Variants in RNF11 observed in about 807,000 individuals in gnomAD.
RNF11 encodes the protein ring finger protein 11.
RNF11 carries 4 observed loss-of-function variants against 15.8 expected under a neutral mutation model. The ratio of observed to expected loss-of-function variants is 0.25; its 90% CI spans 0.12 to 0.58. RNF11 has a LOEUF of 0.58. Ranked by LOEUF, RNF11 falls within the 20% of genes least tolerant of loss-of-function variation. The pLI, the probability that RNF11 is intolerant of heterozygous loss-of-function variation, is 0.91. For missense variants in RNF11, 139 were observed against 194.4 expected, an observed-to-expected ratio of 0.71 and a Z score of 1.70; for synonymous variants, 68 against 72.3, an observed-to-expected ratio of 0.94 and a Z score of 0.30.
chr1:51,249,237 C>G (rs1320997541), intron 1 of RNF11, among the ~76,000 whole-genome samples: 6 of 152,148 alleles, frequency 3.9e-5, no homozygotes, highest in Admixed American at 2.6e-4. Flanking sequence ...GTATCTTTAA[C>G]AGAATATCTT....
chr1:51,236,461 C>T lies in RNF11; in HGVS notation c.-296C>T. Reference sequence around the variant, plus strand: ...AGCAGCTCCGTGGCCGCCGCCGCCCCGCGGGGGGGCGGGGTGGGGAAGTGC... The same window carrying T: ...AGCAGCTCCGTGGCCGCCGCCGCCCTGCGGGGGGGCGGGGTGGGGAAGTGC... On this transcript the variant is annotated 5_prime_UTR_variant, in exon 1 of 3. Coordinates refer to ENST00000242719, the MANE Select transcript of RNF11 (RefSeq NM_014372.5). 4.6e-6 allele frequency: 1 copy of T among 218,032 alleles called. No individual in the cohort carries two copies. Among genetic ancestry groups the T allele is most frequent in the Non-Finnish European group, 9.0e-6 (1 of 110,626 alleles). The allele number at this position is 218,032 out of a possible 1,614,324, so 13.5% of individuals were successfully genotyped here. A position where few individuals can be genotyped will look rare whatever the true frequency, so the allele number is the denominator to read the frequency against.
rs1297975170 is a variant in RNF11 at position 51,273,007 on chromosome 1, T to C, written c.*1685T>C. ...GAATTTGAGAAAAATTGAAAGAAAT[T>C]AGATTATCAGGTTCTGTTAAATTGT... is the stretch of plus-strand genomic sequence containing the variant. On this transcript the variant is annotated 3_prime_UTR_variant, in exon 3 of 3. Transcript: ENST00000242719. The C allele has an allele frequency of 6.6e-6, 1 of 152,156 alleles. No homozygotes were observed. The highest frequency in any genetic ancestry group is 2.4e-5 in the African/African-American group (1 of 41,460). 9.4% of individuals were successfully genotyped at this position (152,156 alleles called of 1,614,324 possible). A position where few individuals can be genotyped will look rare whatever the true frequency, so the allele number is the denominator to read the frequency against.
chr1:51,241,745 T>A (rs1205821771), intron 1 of RNF11, among the ~76,000 whole-genome samples: 1 of 152,180 alleles, frequency 6.6e-6, no homozygotes, highest in African/African-American at 2.4e-5. Context: ...AGAGGAAATC[T>A]GCCCAGCGAA....
At chr1:51,260,660 T>C (rs1167301280) in intron 1 of RNF11, among the ~76,000 whole-genome samples, 1 of 152,210 alleles carries the variant, frequency 6.6e-6, no homozygotes, top group Non-Finnish European at 1.5e-5. Flanking sequence ...GCTTTTGGAT[T>C]CTTGCACCTA....
chr1:51,264,313 TATATACAC>T (rs1319101919), intron 1 of RNF11, among the ~76,000 whole-genome samples: 31 of 101,746 alleles, frequency 3.0e-4, no homozygotes, highest in African/African-American at 1.2e-3. Flanking sequence ...TATATATATA[TATATACAC>T]ACACACACAC....
rs539532210 is a variant in RNF11, at chr1:51,236,919, G to T, written c.123+40G>T. On this transcript the variant is annotated intron_variant, in intron 1 of 2. Coordinates refer to ENST00000242719, the MANE Select transcript of RNF11 (RefSeq NM_014372.5). ...GTGTTGGGGGGAGCGAGTAGAGGCA[G>T]CTCTGGCGGAGATTGAGGGGGCTTC... The T allele has an allele frequency of 9.5e-5, 150 of 1,577,102 alleles. No homozygotes were observed. The Admixed American group carries it at 1.1e-3, about 11-fold the overall frequency.
chr1:51,240,745 T>C (rs942604095), intron 1 of RNF11, among the ~76,000 whole-genome samples: 1 of 152,152 alleles, frequency 6.6e-6, no homozygotes, highest in Non-Finnish European at 1.5e-5. Flanking sequence ...GATCAGGTTT[T>C]TTTTTGTTTG....
chr1:51,249,487 C>T (rs539195681), intron 1 of RNF11, among the ~76,000 whole-genome samples: 64 of 152,242 alleles, frequency 4.2e-4, no homozygotes, highest in African/African-American at 1.5e-3. Flanking sequence ...CTCCCTCCTG[C>T]CCCCTCCAAC....
chr1:51,251,459 G>A (rs906755414), intron 1 of RNF11: 22 of 669,928 alleles, frequency 3.3e-5, no homozygotes, highest in Non-Finnish European at 5.6e-5. Context: ...CGCTGCACTG[G>A]TGTCATCCAC....
rs776636862 is a variant in RNF11 at position 51,256,676 on chromosome 1, G to A, written c.124-13280G>A. ...GCATACCATTTTTGTTGTTGTTGTT[G>A]TTGTTATTGTTTTTTGAGATGGAGT... On this transcript the variant is annotated intron_variant, in intron 1 of 2. Transcript: ENST00000242719. Among the ~76,000 whole-genome samples the A allele has an allele frequency of 2.9e-4, 44 of 151,940 alleles. 1 individual carries two copies. The highest frequency in any genetic ancestry group is 2.0e-4 in the Admixed American group (3 of 15,240).
At chr1:51,248,560 G>T (rs1372637225) in intron 1 of RNF11, among the ~76,000 whole-genome samples, 1 of 152,196 alleles carries the variant, frequency 6.6e-6, no homozygotes, top group Non-Finnish European at 1.5e-5. Flanking sequence ...AAGGAGAAAT[G>T]ATGAGTCTCT....
chr1:51,238,828 C>T (rs1468247104), intron 1 of RNF11, among the ~76,000 whole-genome samples: 2 of 152,126 alleles, frequency 1.3e-5, no homozygotes, highest in South Asian at 2.1e-4. Flanking sequence ...CTCCCGGGTT[C>T]TAGCGATTCT....
intron 1 of RNF11, chr1:51,265,834 C>T (rs532987197): frequency 6.7e-6 from 1 of 148,226 alleles, no homozygotes; most frequent in Non-Finnish European, 1.5e-5. Context: ...CTTTACTTAT[C>T]TGCTTATTCC....
At chr1:51,252,836 T>TGTGTGTGTGTGTGTGTGTG (rs1646886118) in intron 1 of RNF11, among the ~76,000 whole-genome samples, 6 of 151,422 alleles carry the variant, frequency 4.0e-5, no homozygotes, top group African/African-American at 1.5e-4. Context: ...TGTGTGTGTG[T>TGTGTGTGTGTGTGTGTGTG]TTGGGGGGGA....
At chr1:51,237,949 A>C (rs935282363) in intron 1 of RNF11, among the ~76,000 whole-genome samples, 1 of 152,118 alleles carries the variant, frequency 6.6e-6, no homozygotes, top group African/African-American at 2.4e-5. Flanking sequence ...GTCTCATCAC[A>C]CCAGAAAAAC....
rs1646980716 is a variant in RNF11 at position 51,271,886 on chromosome 1, G to A, written c.*564G>A. The A allele has an allele frequency of 6.6e-6, 1 of 152,486 alleles. No homozygotes were observed. The highest frequency in any genetic ancestry group is 2.4e-5 in the African/African-American group (1 of 41,386). 9.4% of individuals were successfully genotyped at this position (152,486 alleles called of 1,614,324 possible). On this transcript the variant is annotated 3_prime_UTR_variant, in exon 3 of 3. Transcript: ENST00000242719. ...TTTAAATAGTGTATTATTATCGTTG[G>A]GGCTGGCTCTATGCTTGAAAACCAG...
rs530639179 is a variant in RNF11, at chr1:51,246,078, C to G, written c.123+9199C>G. Reference sequence around the variant, plus strand: ...GTTAGGAGTTTGAGACCAGCCTGACCAACATAGAGAAACCCCGTCTCTACT... The same window carrying G: ...GTTAGGAGTTTGAGACCAGCCTGACGAACATAGAGAAACCCCGTCTCTACT... On this transcript the variant is annotated intron_variant, in intron 1 of 2. Coordinates refer to ENST00000242719, the MANE Select transcript of RNF11 (RefSeq NM_014372.5). Among the ~76,000 whole-genome samples, 252 of 152,156 alleles carry G rather than the reference C, an allele frequency of 1.7e-3. 2 individuals are homozygous for G. Among genetic ancestry groups the G allele is most frequent in the Admixed American group, 3.6e-3 (55 of 15,276 alleles).
intron 1 of RNF11, among the ~76,000 whole-genome samples, chr1:51,258,040 G>C (rs1301871146): frequency 6.6e-6 from 1 of 151,306 alleles, no homozygotes; most frequent in African/African-American, 2.4e-5. Flanking sequence ...TTGTAGTAGA[G>C]ATGGAGTTTC....
Position 51,251,067 on chromosome 1 carries a change from C to T in RNF11, c.123+14188C>T, listed in dbSNP as rs1646875249. ...CTCCTTGGAGCACTTAACACCCAGACCGACGTGGCCATTGTAGTCCCCGAT... is the reference window on the plus strand; with the variant it reads ...CTCCTTGGAGCACTTAACACCCAGATCGACGTGGCCATTGTAGTCCCCGAT... On this transcript the variant is annotated intron_variant, in intron 1 of 2. Coordinates refer to ENST00000242719, the MANE Select transcript of RNF11 (RefSeq NM_014372.5). 7.1e-6 allele frequency: 11 copies of T among 1,546,648 alleles called. 1 individual carries two copies. In the South Asian group the frequency reaches 1.2e-4, roughly 17 times the overall value.
Sources: allele counts gnomAD v4.1 joint callset (sites outside exome capture counted in the v4.1 genomes callset), GRCh38; gene constraint gnomAD v4.1.1; transcripts MANE v1.5; gene names NCBI Gene and HGNC (gene_info 2026-07-23, HGNC 2026-07-21).